ATRNL1: variants seen among roughly 807,000 people sequenced by gnomAD.
ATRNL1 encodes attractin-like protein 1.
ATRNL1 carries 95 observed loss-of-function variants against 182.7 expected under a neutral mutation model. The observed-to-expected ratio is 0.52, with a 90% confidence interval of 0.44 to 0.62. The LOEUF is 0.62. ATRNL1 is among the 20% of genes least tolerant of loss of function. The pLI, the probability that ATRNL1 is intolerant of heterozygous loss-of-function variation, is 0.00. For missense variants in ATRNL1, 1,471 were observed against 1,679.5 expected, an observed-to-expected ratio of 0.88 and a Z score of 2.17; for synonymous variants, 576 against 568.3, an observed-to-expected ratio of 1.01 and a Z score of -0.19.
At chr10:115,227,905 G>T (rs1392375181) in intron 9 of ATRNL1, among the ~76,000 whole-genome samples, 3 of 152,048 alleles carry the variant, frequency 2.0e-5, no homozygotes, top group Non-Finnish European at 4.4e-5. Flanking sequence ...AGAATTATGG[G>T]CTTAGAAGTT....
intron 17 of ATRNL1, among the ~76,000 whole-genome samples, chr10:115,310,068 C>T (rs1853938639): frequency 6.6e-6 from 1 of 152,000 alleles, no homozygotes; most frequent in Non-Finnish European, 1.5e-5. Flanking sequence ...TAAAGATATG[C>T]TGGATTTTAA....
intron 25 of ATRNL1, among the ~76,000 whole-genome samples, chr10:115,530,553 A>G (rs1851506163): frequency 6.6e-6 from 1 of 152,164 alleles, no homozygotes; most frequent in Non-Finnish European, 1.5e-5. Flanking sequence ...AGATGACTAC[A>G]TGGAAGCAAG....
At chr10:115,424,415 G>C (rs1414236195) in intron 20 of ATRNL1, among the ~76,000 whole-genome samples, 1 of 152,142 alleles carries the variant, frequency 6.6e-6, no homozygotes, top group African/African-American at 2.4e-5. Context: ...ATATGTTTCA[G>C]TAATCTCACT....
chr10:115,402,434 A>G (rs1844612388), intron 20 of ATRNL1, among the ~76,000 whole-genome samples: 1 of 152,142 alleles, frequency 6.6e-6, no homozygotes, highest in South Asian at 2.1e-4. Context: ...TTACTCACAA[A>G]TTTATCCCCA....
chr10:115,503,861 T>C (rs1849971303), intron 24 of ATRNL1, among the ~76,000 whole-genome samples: 1 of 151,840 alleles, frequency 6.6e-6, no homozygotes. Context: ...ATTATTTTTC[T>C]TTAAGCTTTT....
At chr10:115,381,076 C>T (rs114924126) in intron 19 of ATRNL1, among the ~76,000 whole-genome samples, 1,783 of 152,122 alleles carry the variant, frequency 0.012, 34 homozygotes, top group African/African-American at 0.04. Context: ...TTGTTATAGC[C>T]CTCCCAGTAT....
At chr10:115,848,241 GTATGTATGT>G (rs1424315568) in intron 28 of ATRNL1, among the ~76,000 whole-genome samples, 1 of 152,108 alleles carries the variant, frequency 6.6e-6, no homozygotes, top group Non-Finnish European at 1.5e-5. Context: ...ATACACACAT[GTATGTATGT>G]TCCCATTAAT....
intron 15 of ATRNL1, among the ~76,000 whole-genome samples, chr10:115,287,531 T>C (rs1308539722): frequency 6.6e-6 from 1 of 152,088 alleles, no homozygotes; most frequent in African/African-American, 2.4e-5. Context: ...AATTTTTCTA[T>C]GGTAAGTACA....
intron 5 of ATRNL1, among the ~76,000 whole-genome samples, chr10:115,155,230 CT>C (rs1156457004): frequency 6.7e-6 from 1 of 148,722 alleles, no homozygotes; most frequent in Non-Finnish European, 1.5e-5. Context: ...TCATGTTTTT[CT>C]TTTTTTTTCT....
At chr10:115,607,148 C>T (rs1270069556) in intron 26 of ATRNL1, among the ~76,000 whole-genome samples, 2 of 151,826 alleles carry the variant, frequency 1.3e-5, no homozygotes, top group Non-Finnish European at 2.9e-5. Flanking sequence ...TTTTTAGGTA[C>T]ATTTTAAAAT....
intron 27 of ATRNL1, among the ~76,000 whole-genome samples, chr10:115,781,615 T>C (rs916561030): frequency 1.3e-5 from 2 of 152,272 alleles, no homozygotes; most frequent in South Asian, 4.1e-4. Flanking sequence ...GAAAGACTCA[T>C]CTATGATAGT....
intron 8 of ATRNL1, among the ~76,000 whole-genome samples, chr10:115,173,839 G>T (rs1275177899): frequency 6.8e-6 from 1 of 147,882 alleles, no homozygotes; most frequent in Non-Finnish European, 1.5e-5. Context: ...TAGTGTTTTA[G>T]AATCACTTTA....
chr10:115,290,379 G>C (rs1295691909), intron 15 of ATRNL1, among the ~76,000 whole-genome samples: 1 of 152,146 alleles, frequency 6.6e-6, no homozygotes, highest in East Asian at 1.9e-4. Flanking sequence ...AGGTTGCCAG[G>C]CATGGTGGCT....
At chr10:115,135,725 A>C (rs2143769805) in intron 5 of ATRNL1, among the ~76,000 whole-genome samples, 1 of 152,356 alleles carries the variant, frequency 6.6e-6, no homozygotes, top group East Asian at 1.9e-4. Context: ...TGCATTGCCA[A>C]GTCAATCCTA....
rs188694727 is a variant in ATRNL1 at position 115,738,962 on chromosome 10, A to G, written c.3903+11607A>G. 2.7e-3 allele frequency among the ~76,000 whole-genome samples: 411 copies of G among 152,188 alleles called. 6 individuals are homozygous for G. The highest frequency in any genetic ancestry group is 9.4e-3 in the African/African-American group (392 of 41,572). Reference sequence around the variant, plus strand: ...TCACTGAGTCAAAAGCTAAATATATATATTTATAATTATTGTATACATCCA... The same window carrying G: ...TCACTGAGTCAAAAGCTAAATATATGTATTTATAATTATTGTATACATCCA... On this transcript the variant is annotated intron_variant, in intron 27 of 28. Transcript: ENST00000355044.
intron 26 of ATRNL1, among the ~76,000 whole-genome samples, chr10:115,613,489 AT>A (rs1437892273): frequency 1.3e-5 from 2 of 152,014 alleles, no homozygotes; most frequent in African/African-American, 4.8e-5. Flanking sequence ...TAGTTTTCTT[AT>A]TTTGTTGTAT....
chr10:115,787,835 G>A (rs1190058261), intron 27 of ATRNL1, among the ~76,000 whole-genome samples: 1 of 152,166 alleles, frequency 6.6e-6, no homozygotes, highest in Non-Finnish European at 1.5e-5. Flanking sequence ...TATTGGGATA[G>A]ACCCTCAATG....
chr10:115,588,639 C>T (rs907690072), intron 26 of ATRNL1, among the ~76,000 whole-genome samples: 3 of 152,154 alleles, frequency 2.0e-5, no homozygotes, highest in African/African-American at 7.2e-5. Context: ...GGTTCCTTCC[C>T]AGTCATTAGG....
intron 8 of ATRNL1, among the ~76,000 whole-genome samples, chr10:115,215,171 T>C (rs1554895888): frequency 5.9e-5 from 9 of 152,324 alleles, no homozygotes. Flanking sequence ...CAAGCGAGTC[T>C]TGGAAATTTT....
Sources: allele counts gnomAD v4.1 joint callset (sites outside exome capture counted in the v4.1 genomes callset), GRCh38; gene constraint gnomAD v4.1.1; transcripts MANE v1.5; gene names NCBI Gene and HGNC (gene_info 2026-07-23, HGNC 2026-07-21).